The following EFCAB9 variants were observed in gnomAD, a reference collection of about 807,000 sequenced individuals.
EFCAB9 encodes EF-hand calcium-binding domain-containing protein 9.
A neutral mutation model predicts 15.6 loss-of-function variants in EFCAB9; 16 were observed. The observed-to-expected ratio is 1.03, with a 90% CI of 0.69 to 1.56. The LOEUF is 1.56. EFCAB9 is among the 40% of genes most tolerant of loss of function. The pLI is 0.00. For missense variants in EFCAB9, 208 were observed against 235.4 expected (o/e 0.88, Z 0.76); for synonymous variants, 76 against 85.4 (o/e 0.89, Z 0.61).
At chr5:172,198,906 G>A (rs895459939) in intron 1 of EFCAB9, among the ~76,000 whole-genome samples, 6 of 152,324 alleles carry the variant, frequency 3.9e-5, no homozygotes, top group African/African-American at 1.2e-4. Flanking sequence ...GAGCTACTGT[G>A]CCTGGCCGAA....
chr5:172,197,866 G>C (rs549568884), intron 1 of EFCAB9, among the ~76,000 whole-genome samples: 1 of 152,208 alleles, frequency 6.6e-6, no homozygotes, highest in South Asian at 2.1e-4. Context: ...CCCTGCCCAC[G>C]TCCTGCTGAT....
At chr5:172,201,817 C>T (rs966743588) in intron 3 of EFCAB9, among the ~76,000 whole-genome samples, 1 of 151,894 alleles carries the variant, frequency 6.6e-6, no homozygotes, top group East Asian at 1.9e-4. Flanking sequence ...CAGGCCAGCC[C>T]GGGCAACATA....
chr5:172,201,213 T>G (rs1771251781), intron 3 of EFCAB9, among the ~76,000 whole-genome samples: 1 of 152,092 alleles, frequency 6.6e-6, no homozygotes. Flanking sequence ...CTGTCCCTAC[T>G]AAAAATACAA....
At chr5:172,201,221 C>A (rs975484653) in intron 3 of EFCAB9, among the ~76,000 whole-genome samples, 5 of 152,018 alleles carry the variant, frequency 3.3e-5, no homozygotes, top group African/African-American at 9.7e-5. Context: ...ACTAAAAATA[C>A]AAAATCAGCC....
intron 1 of EFCAB9, among the ~76,000 whole-genome samples, chr5:172,195,185 A>T (rs560755821): frequency 1.7e-3 from 166 of 97,432 alleles, no homozygotes; most frequent in African/African-American, 5.0e-3. Flanking sequence ...AATAAATAAA[A>T]ATAAATAAAT....
At chr5:172,194,956 A>G (rs566056781) in intron 1 of EFCAB9, among the ~76,000 whole-genome samples, 1 of 152,066 alleles carries the variant, frequency 6.6e-6, no homozygotes, top group Non-Finnish European at 1.5e-5. Flanking sequence ...GAGTATGGCA[A>G]ATGCTTAGCA....
rs1301012657 is a variant in EFCAB9, at chr5:172,203,213, G to A, written c.463-1G>A. The A allele has an allele frequency of 7.4e-6, 11 of 1,493,756 alleles. No homozygotes were observed. The highest frequency in any genetic ancestry group is 9.8e-6 in the Non-Finnish European group (11 of 1,126,764). The allele number at this position is 1,493,756 out of a possible 1,614,324, so 92.5% of individuals were successfully genotyped here. A position where few individuals can be genotyped will look rare whatever the true frequency, so the allele number is the denominator to read the frequency against. On this transcript the variant is annotated splice_acceptor_variant, in intron 3 of 3. Transcript: ENST00000398186. LOFTEE classifies it high-confidence loss of function. ...TTCTTTCCCCCCCACCCTAACCAAA[G>A]CGTCTTAATTATCAGGAATTTAAGC...
rs543091375 is a variant in EFCAB9, at chr5:172,200,126, C to T, written c.286-440C>T. 4.1e-4 allele frequency among the ~76,000 whole-genome samples: 62 copies of T among 151,990 alleles called. 1 individual carries two copies. The highest frequency in any genetic ancestry group is 1.4e-3 in the African/African-American group (59 of 41,462). On this transcript the variant is annotated intron_variant, in intron 2 of 3. Transcript: ENST00000398186. ...TAGAGATGGGGTTTCACCATGTTGG[C>T]CAGGCTGGTCTCAAACTCCTGACCT... is the stretch of plus-strand genomic sequence containing the variant.
chr5:172,195,380 AT>A (rs1269342491), intron 1 of EFCAB9, among the ~76,000 whole-genome samples: 1 of 152,118 alleles, frequency 6.6e-6, no homozygotes, highest in East Asian at 1.9e-4. Flanking sequence ...CTCCGTCATG[AT>A]TTTAAGGAGT....
At chr5:172,202,989 A>G (rs1430213868) in intron 3 of EFCAB9, among the ~76,000 whole-genome samples, 1 of 152,062 alleles carries the variant, frequency 6.6e-6, no homozygotes, top group African/African-American at 2.4e-5. Context: ...ACAGAGAGAG[A>G]CTCCGTCTCA....
chr5:172,197,960 G>A (rs1457119431), intron 1 of EFCAB9, among the ~76,000 whole-genome samples: 1 of 152,166 alleles, frequency 6.6e-6, no homozygotes, highest in African/African-American at 2.4e-5. Context: ...GACACAGAGT[G>A]CTGATTGGTG....
chr5:172,196,909 T>C (rs1375587491), intron 1 of EFCAB9, among the ~76,000 whole-genome samples: 2 of 151,998 alleles, frequency 1.3e-5, no homozygotes, highest in African/African-American at 4.8e-5. Flanking sequence ...ATCTTGAAAA[T>C]GAAAACAACA....
intron 1 of EFCAB9, among the ~76,000 whole-genome samples, chr5:172,198,827 G>C (rs976413964): frequency 6.6e-6 from 1 of 152,152 alleles, no homozygotes; most frequent in Admixed American, 6.5e-5. Context: ...TATTGGCTAG[G>C]CTGGTCTCAA....
chr5:172,202,325 T>A (rs1255660938), intron 3 of EFCAB9, among the ~76,000 whole-genome samples: 1 of 88,284 alleles, frequency 1.1e-5, no homozygotes, highest in African/African-American at 5.6e-5. Context: ...AGAGTGAGAC[T>A]TCATCTCAAA....
chr5:172,202,245 GC>G (rs1341788734), intron 3 of EFCAB9, among the ~76,000 whole-genome samples: 2 of 146,900 alleles, frequency 1.4e-5, no homozygotes, highest in African/African-American at 5.1e-5. Flanking sequence ...GGAGGCTAAG[GC>G]AGGAGAATGG....
chr5:172,201,511 C>T (rs1771256270), intron 3 of EFCAB9, among the ~76,000 whole-genome samples: 1 of 152,038 alleles, frequency 6.6e-6, no homozygotes. Context: ...CACACCATTG[C>T]ACTCCAGCCT....
chr5:172,199,268 A>G, intron 1 of EFCAB9, 115 bp from the exon 2 acceptor site: 1 of 1,254,948 alleles, frequency 8.0e-7, no homozygotes, highest in East Asian at 2.6e-5. Context: ...TATTATCATC[A>G]TTCTTCCTAG....
At chr5:172,199,013 G>T (rs767600130) in intron 1 of EFCAB9, among the ~76,000 whole-genome samples, 4 of 152,218 alleles carry the variant, frequency 2.6e-5, no homozygotes, top group African/African-American at 4.8e-5. Flanking sequence ...TCCCCAGTGA[G>T]AATTAAGCTC....
At chr5:172,200,508 G>A in intron 2 of EFCAB9, 58 bp from the exon 3 acceptor site, 2 of 1,477,186 alleles carry the variant, frequency 1.4e-6, no homozygotes, top group Non-Finnish European at 1.8e-6. Context: ...GAGGAAACAA[G>A]TTTAGAAAGC....
Sources: gnomAD v4.1 joint callset for allele counts (sites outside exome capture counted in the v4.1 genomes callset) on GRCh38, gnomAD v4.1.1 for gene constraint, MANE v1.5 for transcripts, NCBI Gene and HGNC (gene_info 2026-07-23, HGNC 2026-07-21) for gene names.